GALNTL6: variants seen among roughly 807,000 people sequenced by gnomAD.
The protein encoded by GALNTL6 is polypeptide N-acetylgalactosaminyltransferase-like 6.
Under a neutral mutation model 73.7 loss-of-function variants are expected in GALNTL6, and 46 were observed. That is an observed-to-expected ratio of 0.62 (90% CI 0.49 to 0.80). The LOEUF (loss-of-function observed/expected upper bound fraction) is 0.80, where lower values mean the gene tolerates loss of function less well. Among genes scored for constraint, GALNTL6 ranks in the 30% least tolerant of loss-of-function variants. GALNTL6 has a pLI of 0.00. For synonymous variants in GALNTL6, 259 were observed against 263.7 expected (o/e 0.98, Z 0.17); for missense variants, 604 against 755.0 (o/e 0.80, Z 2.34).
intron 7 of GALNTL6, among the ~76,000 whole-genome samples, chr4:172,831,231 C>T (rs893705059): frequency 1.4e-5 from 2 of 144,074 alleles, no homozygotes; most frequent in Non-Finnish European, 3.0e-5. Flanking sequence ...ATTTACCACG[C>T]AAATATATGG....
intron 8 of GALNTL6, among the ~76,000 whole-genome samples, chr4:172,922,419 T>A (rs1747843983): frequency 6.6e-6 from 1 of 152,206 alleles, no homozygotes; most frequent in Non-Finnish European, 1.5e-5. Flanking sequence ...TGTGCTTTCC[T>A]AAGGAATCAT....
intron 5 of GALNTL6, among the ~76,000 whole-genome samples, chr4:172,445,684 A>G (rs981589485): frequency 6.6e-6 from 1 of 152,140 alleles, no homozygotes; most frequent in Non-Finnish European, 1.5e-5. Flanking sequence ...CTCTTCACCT[A>G]TGTAAAATGA....
intron 2 of GALNTL6, among the ~76,000 whole-genome samples, chr4:171,866,576 C>A (rs1735977052): frequency 6.6e-6 from 1 of 151,386 alleles, no homozygotes; most frequent in Non-Finnish European, 1.5e-5. Context: ...GAGATTATAA[C>A]TGTTTTAGTC....
chr4:172,883,415 G>A (rs1745562645), intron 8 of GALNTL6, among the ~76,000 whole-genome samples: 1 of 152,186 alleles, frequency 6.6e-6, no homozygotes, highest in African/African-American at 2.4e-5. Context: ...ATCTGCTTCT[G>A]GTAAGGGCTT....
At chr4:172,878,637 G>GT (rs942340267) in intron 7 of GALNTL6, among the ~76,000 whole-genome samples, 7 of 151,432 alleles carry the variant, frequency 4.6e-5, no homozygotes, top group African/African-American at 9.7e-5. Flanking sequence ...GAAACAAGGA[G>GT]TTTTTTTATG....
intron 2 of GALNTL6, among the ~76,000 whole-genome samples, chr4:171,982,454 C>T (rs1035277125): frequency 2.0e-5 from 3 of 152,022 alleles, no homozygotes; most frequent in Non-Finnish European, 2.9e-5. Context: ...CCCGCCACCA[C>T]GCCCGGCTGA....
At chr4:172,287,488 C>T (rs1001317838) in intron 3 of GALNTL6, among the ~76,000 whole-genome samples, 1 of 152,174 alleles carries the variant, frequency 6.6e-6, no homozygotes, top group Non-Finnish European at 1.5e-5. Context: ...TTATACATTA[C>T]ACACATTATA....
At chr4:171,860,681 T>G (rs2110878071) in intron 2 of GALNTL6, among the ~76,000 whole-genome samples, 1 of 152,336 alleles carries the variant, frequency 6.6e-6, no homozygotes, top group East Asian at 1.9e-4. Flanking sequence ...AACAGGGTGT[T>G]GATTTTATTT....
intron 5 of GALNTL6, among the ~76,000 whole-genome samples, chr4:172,746,954 T>C (rs1189985330): frequency 5.3e-5 from 8 of 151,970 alleles, no homozygotes; most frequent in African/African-American, 1.9e-4. Context: ...TCCTAAAGAC[T>C]CCACCTAACT....
intron 5 of GALNTL6, among the ~76,000 whole-genome samples, chr4:172,381,554 T>C (rs1471726863): frequency 6.6e-6 from 1 of 152,202 alleles, no homozygotes; most frequent in Non-Finnish European, 1.5e-5. Flanking sequence ...CTTTTTTCCT[T>C]TATTATATTA....
chr4:172,840,887 T>G (rs1254235002), intron 7 of GALNTL6, among the ~76,000 whole-genome samples: 1 of 152,190 alleles, frequency 6.6e-6, no homozygotes, highest in Non-Finnish European at 1.5e-5. Flanking sequence ...GCTCAAGACA[T>G]GCCCTCTCCA....
chr4:172,899,272 G>T (rs959990124), intron 8 of GALNTL6, among the ~76,000 whole-genome samples: 1 of 152,142 alleles, frequency 6.6e-6, no homozygotes, highest in Non-Finnish European at 1.5e-5. Context: ...TCACCAAAGA[G>T]AAACTCAGGA....
intron 10 of GALNTL6, among the ~76,000 whole-genome samples, chr4:172,965,250 C>CA (rs1311729615): frequency 2.6e-5 from 4 of 152,142 alleles, no homozygotes; most frequent in Non-Finnish European, 5.9e-5. Context: ...GAGTTTTCAA[C>CA]ATTGAGACAG....
chr4:172,036,911 A>G (rs1741944314), intron 2 of GALNTL6, among the ~76,000 whole-genome samples: 1 of 152,134 alleles, frequency 6.6e-6, no homozygotes, highest in South Asian at 2.1e-4. Flanking sequence ...CCCTAGGGAT[A>G]ACATGAAGTT....
intron 2 of GALNTL6, among the ~76,000 whole-genome samples, chr4:171,924,633 A>G (rs1026924183): frequency 6.6e-6 from 1 of 152,172 alleles, no homozygotes; most frequent in Admixed American, 6.5e-5. Context: ...TTGAGCCACC[A>G]AAGCATAGCA....
intron 3 of GALNTL6, among the ~76,000 whole-genome samples, chr4:172,262,571 C>A (rs567282687): frequency 1.3e-5 from 2 of 151,590 alleles, no homozygotes; most frequent in East Asian, 3.9e-4. Flanking sequence ...GGATTTTTAG[C>A]CATTCTGCCA....
intron 2 of GALNTL6, among the ~76,000 whole-genome samples, chr4:172,015,452 A>T (rs1182301885): frequency 6.6e-6 from 1 of 152,006 alleles, no homozygotes; most frequent in African/African-American, 2.4e-5. Flanking sequence ...GTGTTAAGTG[A>T]GTCTCTTGAA....
intron 5 of GALNTL6, among the ~76,000 whole-genome samples, chr4:172,522,621 G>A (rs989155947): frequency 1.5e-4 from 22 of 149,788 alleles, no homozygotes; most frequent in African/African-American, 4.9e-4. Context: ...AGTGAGCTGA[G>A]ATTGCACCAT....
chr4:172,336,059 C>G (rs559742284), intron 4 of GALNTL6, among the ~76,000 whole-genome samples: 76 of 152,060 alleles, frequency 5.0e-4, no homozygotes, highest in African/African-American at 1.7e-3. Context: ...TGAGACCATT[C>G]TAACTTCTTG....
Sources: gnomAD v4.1 joint callset for allele counts (sites outside exome capture counted in the v4.1 genomes callset) on GRCh38, gnomAD v4.1.1 for gene constraint, MANE v1.5 for transcripts, NCBI Gene and HGNC (gene_info 2026-07-23, HGNC 2026-07-21) for gene names.